The following CFAP141 variants were observed in gnomAD, a reference collection of about 807,000 sequenced individuals.
The protein encoded by CFAP141 is cilia- and flagella-associated protein 141.
the CFAP141 span, chr1:154,205,772 T>A: frequency 1.4e-6 from 1 of 739,502 alleles, no homozygotes; most frequent in Non-Finnish European, 2.3e-6. Context: ...TGGCGTGATC[T>A]CGGCTCACCG....
chr1:154,199,326 G>T, the CFAP141 span: 1 of 722,030 alleles, frequency 1.4e-6, no homozygotes, highest in Non-Finnish European at 2.4e-6. Context: ...CAGATAGCAA[G>T]ATCCAGGTAT....
chr1:154,199,342 G>A, the CFAP141 span: 2 of 837,894 alleles, frequency 2.4e-6, no homozygotes, highest in Non-Finnish European at 3.8e-6. Flanking sequence ...GGTATGTTTT[G>A]GGAAGGAGGT....
chr1:154,206,038 G>A, the CFAP141 span, among the ~76,000 whole-genome samples: 1 of 152,228 alleles, frequency 6.6e-6, no homozygotes, highest in African/African-American at 2.4e-5. Flanking sequence ...TTCCTGGGGG[G>A]AAATAGGGAG....
At chr1:154,203,136 CAA>C in the CFAP141 span, among the ~76,000 whole-genome samples, 1 of 56,738 alleles carries the variant, frequency 1.8e-5, no homozygotes, top group African/African-American at 6.9e-5. Flanking sequence ...GACTCTGCCT[CAA>C]AAAAAAAAAA....
the CFAP141 span, among the ~76,000 whole-genome samples, chr1:154,202,802 AG>A: frequency 6.7e-6 from 1 of 149,326 alleles, no homozygotes; most frequent in African/African-American, 2.5e-5. Flanking sequence ...CTCCGTCCCA[AG>A]GAAAAAAAAA....
the CFAP141 span, chr1:154,206,181 C>CA: frequency 8.3e-7 from 1 of 1,203,982 alleles, no homozygotes; most frequent in South Asian, 1.2e-5. Flanking sequence ...CTTGTTACAT[C>CA]AAAAGCCTTT....
chr1:154,200,658 G>C, the CFAP141 span: 3 of 1,462,892 alleles, frequency 2.1e-6, no homozygotes, highest in African/African-American at 2.9e-5. Context: ...AAAACCCATA[G>C]AGTGAGGCTG....
the CFAP141 span, chr1:154,205,480 T>G: frequency 7.6e-6 from 7 of 926,026 alleles, no homozygotes; most frequent in Non-Finnish European, 1.3e-5. Context: ...CTTCCGCATC[T>G]GTTTTCCTCT....
chr1:154,206,009 A>G, the CFAP141 span, among the ~76,000 whole-genome samples: 1 of 152,042 alleles, frequency 6.6e-6, no homozygotes, highest in African/African-American at 2.4e-5. Context: ...AGCCACATAG[A>G]CCTTTTTGAG....
chr1:154,206,265 C>T, the CFAP141 span: 1 of 1,613,790 alleles, frequency 6.2e-7, no homozygotes, highest in Non-Finnish European at 8.5e-7. Flanking sequence ...CTCCTTCCAA[C>T]TCTGCATACC....
At chr1:154,200,667 T>C in the CFAP141 span, 1 of 1,435,794 alleles carries the variant, frequency 7.0e-7, no homozygotes, top group South Asian at 1.3e-5. Context: ...AGAGTGAGGC[T>C]GTTTCTTTTT....
At chr1:154,202,804 GA>G in the CFAP141 span, among the ~76,000 whole-genome samples, 23 of 134,780 alleles carry the variant, frequency 1.7e-4, no homozygotes, top group South Asian at 2.6e-3. Flanking sequence ...CCGTCCCAAG[GA>G]AAAAAAAAAT....
the CFAP141 span, among the ~76,000 whole-genome samples, chr1:154,201,541 CCACACCTGG>C: frequency 6.6e-6 from 1 of 152,014 alleles, no homozygotes; most frequent in Non-Finnish European, 1.5e-5. Context: ...GCATGTGCCA[CCACACCTGG>C]CTAATTTTTG....
the CFAP141 span, chr1:154,199,540 G>A: frequency 1.3e-6 from 2 of 1,567,140 alleles, no homozygotes; most frequent in Non-Finnish European, 8.7e-7. Context: ...TGGTGGAGAG[G>A]GCAGAATAGA....
At chr1:154,205,578 AG>A in the CFAP141 span, 1 of 1,611,532 alleles carries the variant, frequency 6.2e-7, no homozygotes, top group Non-Finnish European at 8.5e-7. Flanking sequence ...AGGTAAAGGG[AG>A]GGGATAGAAG....
At chr1:154,205,672 A>T in the CFAP141 span, 1 of 1,600,296 alleles carries the variant, frequency 6.2e-7, no homozygotes, top group East Asian at 2.2e-5. Flanking sequence ...GATCTGCCTC[A>T]GTCTCCAGAA....
At chr1:154,203,105 AG>A in the CFAP141 span, among the ~76,000 whole-genome samples, 1 of 139,372 alleles carries the variant, frequency 7.2e-6, no homozygotes, top group South Asian at 2.4e-4. Context: ...TGGGTGGTGG[AG>A]TAAGACTCTG....
chr1:154,201,123 T>TTTTA, the CFAP141 span, among the ~76,000 whole-genome samples: 146 of 152,146 alleles, frequency 9.6e-4, 3 homozygotes, highest in East Asian at 0.023. Flanking sequence ...ATAGGTGTTA[T>TTTTA]TTTATTTATT....
the CFAP141 span, chr1:154,199,463 A>C: frequency 6.2e-7 from 1 of 1,613,150 alleles, no homozygotes; most frequent in Non-Finnish European, 8.5e-7. Context: ...TGCCCATCTG[A>C]TTTAGTTCCT....
Sources: gnomAD v4.1 joint callset for allele counts (sites outside exome capture counted in the v4.1 genomes callset) on GRCh38, gnomAD v4.1.1 for gene constraint, MANE v1.5 for transcripts, NCBI Gene and HGNC (gene_info 2026-07-23, HGNC 2026-07-21) for gene names.